PAGE1: variants seen among roughly 807,000 people sequenced by gnomAD.
PAGE1 encodes the protein P antigen family member 1.
A neutral mutation model predicts 11.5 loss-of-function variants in PAGE1; 6 were observed. The ratio of observed to expected loss-of-function variants is 0.52; its 90% CI spans 0.29 to 1.03. The LOEUF is 1.03. PAGE1 is among the 50% of genes least tolerant of loss of function. PAGE1 has a pLI of 0.09. For synonymous variants in PAGE1, 42 were observed against 40.2 expected, an observed-to-expected ratio of 1.05 and a Z score of -0.17; for missense variants, 120 against 110.2, an observed-to-expected ratio of 1.09 and a Z score of -0.40.
At chrX:49,691,082 G>C (rs1335760889) in intron 4 of PAGE1, among the ~76,000 whole-genome samples, 167 bp downstream of exon 4, 1 of 111,415 alleles carries the variant, frequency 9.0e-6, no homozygotes, top group Non-Finnish European at 1.9e-5. Flanking sequence ...GGAGGCTGAG[G>C]CAGGAGAATC....
chrX:49,691,974 T>A (rs181460371), intron 3 of PAGE1, among the ~76,000 whole-genome samples: 1 of 110,589 alleles, frequency 9.0e-6, no homozygotes, highest in Non-Finnish European at 1.9e-5. Context: ...CAGGCTCTGC[T>A]AAAAATACAA....
Position 49,687,455 on chromosome X carries a change from A to C in PAGE1, c.*86T>G. ...CAAAAGATGCACAAGACTTCTTTGC[A>C]GAAGGCTGTAAAGCTTTATTGGGAG... is the stretch of plus-strand genomic sequence containing the variant. On this transcript the variant is annotated 3_prime_UTR_variant, in exon 6 of 6. Coordinates refer to ENST00000376150, the MANE Select transcript of PAGE1 (RefSeq NM_003785.4). 2.3e-6 allele frequency: 2 copies of C among 885,578 alleles called. No individual in the cohort carries two copies. Among genetic ancestry groups the C allele is most frequent in the Non-Finnish European group, 1.7e-6 (1 of 601,658 alleles). 73.0% of individuals were successfully genotyped at this position (885,578 alleles called of 1,213,427 possible).
chrX:49,691,444 T>C (rs2066920254), intron 3 of PAGE1, 70 bp from the exon 4 acceptor site: 12 of 914,763 alleles, frequency 1.3e-5, no homozygotes, highest in Non-Finnish European at 1.8e-5. Context: ...ATAATATTCA[T>C]GCTCTTGGTC....
chrX:49,694,070 A>T, intron 3 of PAGE1, 29 bp downstream of exon 3: 1 of 865,705 alleles, frequency 1.2e-6, no homozygotes, highest in Non-Finnish European at 1.7e-6. Context: ...ACACACCCCA[A>T]CAGGCATTCT....
chrX:49,694,963 G>C (rs1298111868), intron 1 of PAGE1, among the ~76,000 whole-genome samples, 185 bp from the exon 2 acceptor site: 1 of 112,470 alleles, frequency 8.9e-6, no homozygotes, highest in Non-Finnish European at 1.9e-5. Flanking sequence ...CCCCAAGCTG[G>C]CAGAGTAGTC....
At chrX:49,689,718 A>G (rs1408351817) in intron 4 of PAGE1, among the ~76,000 whole-genome samples, 175 bp from the exon 5 acceptor site, 7 of 62,494 alleles carry the variant, frequency 1.1e-4, no homozygotes, top group African/African-American at 4.3e-4. Flanking sequence ...GTATATATGT[A>G]TATATGTATA....
At chrX:49,694,834 A>G in intron 1 of PAGE1, 56 bp from the exon 2 acceptor site, 1 of 615,866 alleles carries the variant, frequency 1.6e-6, no homozygotes, top group East Asian at 3.3e-5. Flanking sequence ...GCTATATTCG[A>G]TCACTTCCAT....
chrX:49,689,744 G>GTGTA (rs1557141740), intron 4 of PAGE1, among the ~76,000 whole-genome samples: 1 of 54,052 alleles, frequency 1.9e-5, no homozygotes, highest in African/African-American at 9.2e-5. Flanking sequence ...ACACATATAT[G>GTGTA]TATATGTGTA....
At chrX:49,689,840 G>A (rs782815141) in intron 4 of PAGE1, among the ~76,000 whole-genome samples, 2 of 52,794 alleles carry the variant, frequency 3.8e-5, no homozygotes, top group African/African-American at 1.0e-4. Flanking sequence ...ATATATGTGT[G>A]TATATACACA....
At chrX:49,695,237 A>G (rs2066936979) in intron 1 of PAGE1, among the ~76,000 whole-genome samples, 1 of 112,338 alleles carries the variant, frequency 8.9e-6, no homozygotes, top group Non-Finnish European at 1.9e-5. Flanking sequence ...GTGAATCACA[A>G]TTCCCGTGAC....
chrX:49,690,115 ATATATGTG>A (rs1221678318), intron 4 of PAGE1, among the ~76,000 whole-genome samples: 1 of 84,852 alleles, frequency 1.2e-5, no homozygotes, highest in Non-Finnish European at 2.3e-5. Context: ...ATATACACAT[ATATATGTG>A]TATATATACA....
At chrX:49,690,007 A>ATATGTG (rs1557141923) in intron 4 of PAGE1, among the ~76,000 whole-genome samples, 1 of 68,317 alleles carries the variant, frequency 1.5e-5, no homozygotes, top group Non-Finnish European at 2.6e-5. Flanking sequence ...ATATGTGTAT[A>ATATGTG]TATATGTGTG....
intron 3 of PAGE1, among the ~76,000 whole-genome samples, chrX:49,693,432 C>T (rs782336536): frequency 9.8e-5 from 11 of 111,711 alleles, no homozygotes; most frequent in African/African-American, 3.2e-4. Context: ...TATTTTATCT[C>T]GGAGAAATTA....
intron 3 of PAGE1, among the ~76,000 whole-genome samples, chrX:49,691,864 T>C (rs782788550): frequency 8.9e-6 from 1 of 111,931 alleles, no homozygotes; most frequent in South Asian, 3.8e-4. Context: ...CAGCCGGGCG[T>C]GGTGGCTCAC....
intron 5 of PAGE1, 61 bp downstream of exon 5, chrX:49,689,357 T>A: frequency 1.0e-6 from 1 of 957,863 alleles, no homozygotes; most frequent in Non-Finnish European, 1.3e-6. Flanking sequence ...ATAATAATTA[T>A]TATAATATGA....
At chrX:49,695,088 G>A (rs1277768678) in intron 1 of PAGE1, among the ~76,000 whole-genome samples, 3 of 112,831 alleles carry the variant, frequency 2.7e-5, no homozygotes, top group African/African-American at 9.7e-5. Flanking sequence ...CTTCACTGCA[G>A]CCTCGACCTC....
At chrX:49,692,458 T>C (rs1232622043) in intron 3 of PAGE1, among the ~76,000 whole-genome samples, 2 of 111,278 alleles carry the variant, frequency 1.8e-5, no homozygotes, top group African/African-American at 6.5e-5. Context: ...GGAAGAGACA[T>C]GAAAACAATG....
At chrX:49,689,840 G>GTA (rs1398635843) in intron 4 of PAGE1, among the ~76,000 whole-genome samples, 3 of 52,789 alleles carry the variant, frequency 5.7e-5, no homozygotes, top group African/African-American at 1.0e-4. Flanking sequence ...ATATATGTGT[G>GTA]TATATACACA....
chrX:49,695,052 C>T (rs181322139), intron 1 of PAGE1, among the ~76,000 whole-genome samples: 92 of 112,594 alleles, frequency 8.2e-4, no homozygotes, highest in African/African-American at 2.7e-3. Flanking sequence ...CTGTTGCTCA[C>T]GCTGGAATGC....
Sources: allele counts gnomAD v4.1 joint callset (sites outside exome capture counted in the v4.1 genomes callset), GRCh38; gene constraint gnomAD v4.1.1; transcripts MANE v1.5; gene names NCBI Gene and HGNC (gene_info 2026-07-23, HGNC 2026-07-21).